The following TMEM117 variants were observed in gnomAD, a reference collection of about 807,000 sequenced individuals.
TMEM117 encodes the protein transmembrane protein 117.
In TMEM117, 27 loss-of-function variants were observed where a neutral mutation model predicts 52.4. The observed-to-expected ratio is 0.51, with a 90% CI of 0.38 to 0.71. TMEM117 has a LOEUF of 0.71. TMEM117 is among the 30% of genes least tolerant of loss of function. The pLI is 0.00. For missense variants in TMEM117, 556 were observed against 630.5 expected (o/e 0.88, Z 1.26); for synonymous variants, 215 against 206.3 (o/e 1.04, Z -0.36).
chr12:44,068,674 A>G (rs931090424), intron 3 of TMEM117, among the ~76,000 whole-genome samples: 8 of 152,198 alleles, frequency 5.3e-5, no homozygotes, highest in Non-Finnish European at 8.8e-5. Flanking sequence ...AATATCAAAG[A>G]TCACTGATCA....
At chr12:43,973,948 T>G (rs999421060) in intron 3 of TMEM117, among the ~76,000 whole-genome samples, 2 of 152,160 alleles carry the variant, frequency 1.3e-5, no homozygotes, top group Non-Finnish European at 2.9e-5. Flanking sequence ...AAAATACTAT[T>G]TTGTATCTTT....
At chr12:44,172,676 T>C (rs1949063624) in intron 4 of TMEM117, among the ~76,000 whole-genome samples, 1 of 152,214 alleles carries the variant, frequency 6.6e-6, no homozygotes, top group African/African-American at 2.4e-5. Context: ...ATTGTGTGCA[T>C]GTGTTTTTAA....
chr12:44,138,189 C>T lies in TMEM117; in HGVS notation c.411-5336C>T, dbSNP rs73288092. 6.8e-3 allele frequency among the ~76,000 whole-genome samples: 1,039 copies of T among 152,034 alleles called. 14 individuals carry two copies. Among genetic ancestry groups the T allele is most frequent in the African/African-American group, 0.024 (993 of 41,448 alleles). ...ATGCCCTGTTTCTTTGCTAGAAATCCCCATAGTGTCAATAAAGAATTTACT... is the reference window on the plus strand; with the variant it reads ...ATGCCCTGTTTCTTTGCTAGAAATCTCCATAGTGTCAATAAAGAATTTACT... On this transcript the variant is annotated intron_variant, in intron 3 of 7. Transcript: ENST00000266534.
chr12:43,934,208 T>A (rs1239321915), intron 2 of TMEM117, among the ~76,000 whole-genome samples: 1 of 152,192 alleles, frequency 6.6e-6, no homozygotes, highest in Non-Finnish European at 1.5e-5. Context: ...ATATGTAGTA[T>A]TAATATAGCA....
chr12:44,292,246 A>G lies in TMEM117; in HGVS notation c.609-7334A>G, dbSNP rs182239118. ...TCCAGGTTATCCAATTTGTTGGAAT[A>G]TTATTATTCGGAGTAGTCTCTTATG... On this transcript the variant is annotated intron_variant, in intron 5 of 7. Coordinates refer to ENST00000266534, the MANE Select transcript of TMEM117 (RefSeq NM_032256.3). 3.5e-3 allele frequency among the ~76,000 whole-genome samples: 534 copies of G among 152,046 alleles called. 1 individual carries two copies. The highest frequency in any genetic ancestry group is 5.0e-3 in the Non-Finnish European group (337 of 67,868).
chr12:44,147,090 A>G (rs1948653687), intron 4 of TMEM117, among the ~76,000 whole-genome samples: 2 of 152,198 alleles, frequency 1.3e-5, no homozygotes, highest in Admixed American at 1.3e-4. Flanking sequence ...ACTCAGGGTT[A>G]AGGGTACTAA....
At chr12:44,191,536 A>C (rs1262977626) in intron 4 of TMEM117, among the ~76,000 whole-genome samples, 2 of 152,200 alleles carry the variant, frequency 1.3e-5, no homozygotes, top group African/African-American at 4.8e-5. Context: ...GAGTTGTAGT[A>C]ATGGCTTCAG....
At chr12:43,839,899 T>G (rs942812572) in intron 1 of TMEM117, among the ~76,000 whole-genome samples, 1 of 152,368 alleles carries the variant, frequency 6.6e-6, no homozygotes, top group South Asian at 2.1e-4. Flanking sequence ...TTCTCTATTT[T>G]CAGTAAAATA....
intron 5 of TMEM117, among the ~76,000 whole-genome samples, chr12:44,297,813 C>A (rs2138636231): frequency 6.6e-6 from 1 of 152,218 alleles, no homozygotes; most frequent in East Asian, 1.9e-4. Flanking sequence ...GAAAATTTTG[C>A]TTAAATCCCA....
chr12:44,357,211 C>A (rs1181396004), intron 6 of TMEM117, among the ~76,000 whole-genome samples: 1 of 152,100 alleles, frequency 6.6e-6, no homozygotes, highest in African/African-American at 2.4e-5. Context: ...CTCTCAGGGG[C>A]AGAAATAGTT....
At chr12:43,878,212 T>C (rs1943836786) in intron 2 of TMEM117, among the ~76,000 whole-genome samples, 1 of 152,180 alleles carries the variant, frequency 6.6e-6, no homozygotes, top group Non-Finnish European at 1.5e-5. Flanking sequence ...CAGCTTCCTG[T>C]AGTTCTCGGA....
chr12:44,214,138 A>ATTTTTTT (rs773352634), intron 5 of TMEM117, among the ~76,000 whole-genome samples: 2 of 99,284 alleles, frequency 2.0e-5, no homozygotes, highest in South Asian at 8.0e-4. Flanking sequence ...TTTTTTTTTA[A>ATTTTTTT]TTTTTTTTTT....
chr12:43,946,406 T>TTTTA (rs147787124), intron 3 of TMEM117, among the ~76,000 whole-genome samples: 17 of 131,826 alleles, frequency 1.3e-4, no homozygotes, highest in South Asian at 2.3e-4. Flanking sequence ...TTTGTTTTTT[T>TTTTA]ATCTAGAGCT....
chr12:44,299,484 A>G, intron 5 of TMEM117, 96 bp from the exon 6 acceptor site: 4 of 1,479,370 alleles, frequency 2.7e-6, no homozygotes, highest in Non-Finnish European at 3.6e-6. Context: ...GGTGCTTGCC[A>G]AGGGGCAGAC....
At chr12:44,376,339 C>A in intron 6 of TMEM117, 1 of 459,698 alleles carries the variant, frequency 2.2e-6, no homozygotes, top group Non-Finnish European at 3.9e-6. Flanking sequence ...AGATGCAAAT[C>A]AATTCTGTAT....
intron 3 of TMEM117, among the ~76,000 whole-genome samples, chr12:44,127,904 A>ATGTC (rs201819076): frequency 0.019 from 2,882 of 152,256 alleles, 77 homozygotes; most frequent in African/African-American, 0.065. Flanking sequence ...GTGTATGCCA[A>ATGTC]TGTCTGTCTG....
At chr12:43,933,965 A>C (rs1440430150) in intron 2 of TMEM117, among the ~76,000 whole-genome samples, 5 of 152,248 alleles carry the variant, frequency 3.3e-5, no homozygotes, top group Non-Finnish European at 1.5e-5. Flanking sequence ...TAAATGTTGA[A>C]ATAATGTTTC....
At chr12:44,336,433 A>G (rs1773196751) in intron 6 of TMEM117, among the ~76,000 whole-genome samples, 1 of 152,070 alleles carries the variant, frequency 6.6e-6, no homozygotes, top group African/African-American at 2.4e-5. Context: ...TCTATTTGCC[A>G]TGAGCTACTA....
At chr12:43,991,546 C>T (rs1945941544) in intron 3 of TMEM117, among the ~76,000 whole-genome samples, 1 of 152,028 alleles carries the variant, frequency 6.6e-6, no homozygotes, top group East Asian at 1.9e-4. Flanking sequence ...TCCTCAAGGA[C>T]CTCGGCCAAG....
Sources: allele counts gnomAD v4.1 joint callset (sites outside exome capture counted in the v4.1 genomes callset), GRCh38; gene constraint gnomAD v4.1.1; transcripts MANE v1.5; gene names NCBI Gene and HGNC (gene_info 2026-07-23, HGNC 2026-07-21).